Variants in MORC1 observed in about 807,000 individuals in gnomAD.
MORC1 encodes MORC family CW-type zinc finger 1, also known as MORC family CW-type zinc finger protein 1.
A neutral mutation model predicts 134.9 loss-of-function variants in MORC1; 59 were observed. The observed-to-expected ratio is 0.44, with a 90% CI of 0.35 to 0.54. The LOEUF (loss-of-function observed/expected upper bound fraction) is 0.54, where lower values mean the gene tolerates loss of function less well. MORC1 is among the 20% of genes least tolerant of loss of function. The pLI is 0.00. For missense variants in MORC1, 947 were observed against 1,134.5 expected (o/e 0.83, Z 2.37); for synonymous variants, 395 against 391.7 (o/e 1.01, Z -0.10).
At chr3:109,034,743 TTTAA>T (rs34317672) in intron 15 of MORC1, among the ~76,000 whole-genome samples, 71,789 of 151,378 alleles carry the variant, frequency 0.47, 20,108 homozygotes, top group East Asian at 0.91. Context: ...AAAATTCTAT[TTTAA>T]TTAATTAATT....
chr3:108,991,291 T>A lies in MORC1; in HGVS notation c.2188-4342A>T, dbSNP rs564943501. Among the ~76,000 whole-genome samples, 3 of 152,278 alleles carry A rather than the reference T, an allele frequency of 2.0e-5. No homozygotes were observed. In the South Asian group the frequency reaches 6.2e-4, roughly 32 times the overall value. ...ATGATTTATAGGAGTACCGCTGTAG[T>A]CCAGGTAAGAGATGTCAGTGTGTTG... On this transcript the variant is annotated intron_variant, in intron 21 of 27. Coordinates refer to ENST00000232603, the MANE Select transcript of MORC1 (RefSeq NM_014429.4).
At chr3:108,978,998 T>A (rs1477764289) in intron 24 of MORC1, among the ~76,000 whole-genome samples, 1 of 152,144 alleles carries the variant, frequency 6.6e-6, no homozygotes, top group African/African-American at 2.4e-5. Flanking sequence ...CAGTCTCTAT[T>A]TGGAAAAACC....
intron 5 of MORC1, among the ~76,000 whole-genome samples, chr3:109,100,077 C>A (rs1307581702): frequency 6.6e-6 from 1 of 151,994 alleles, no homozygotes; most frequent in Non-Finnish European, 1.5e-5. Context: ...AACTCTGTCT[C>A]TACAAAAATA....
At chr3:109,053,646 G>A (rs569694792) in intron 14 of MORC1, among the ~76,000 whole-genome samples, 2 of 152,260 alleles carry the variant, frequency 1.3e-5, no homozygotes, top group East Asian at 1.9e-4. Context: ...AGGGAGACAA[G>A]GGCTGAAAAA....
rs558454696 is a variant in MORC1 at position 108,975,010 on chromosome 3, T to A, written c.2478-3608A>T. 5.9e-5 allele frequency among the ~76,000 whole-genome samples: 9 copies of A among 152,340 alleles called. No individual in the cohort carries two copies. The South Asian group carries it at 1.9e-3, about 32-fold the overall frequency. On this transcript the variant is annotated intron_variant, in intron 24 of 27. Coordinates refer to ENST00000232603, the MANE Select transcript of MORC1 (RefSeq NM_014429.4). The stretch of plus-strand genomic sequence containing the variant: ...AAGTTCCAGCTAAGGGCCATTTCCA[T>A]TTCACTCCATAGTCATATTCCTTTC...
At chr3:109,077,084 C>T (rs1410920065) in intron 8 of MORC1, among the ~76,000 whole-genome samples, 4 of 151,286 alleles carry the variant, frequency 2.6e-5, no homozygotes, top group African/African-American at 9.7e-5. Context: ...TGATCAACAA[C>T]ATGTATTCAA....
At chr3:109,040,847 AAAAG>A (rs1364440825) in intron 14 of MORC1, among the ~76,000 whole-genome samples, 3 of 149,124 alleles carry the variant, frequency 2.0e-5, no homozygotes, top group African/African-American at 2.4e-5. Context: ...AAAAAAAAAA[AAAAG>A]AAAGAAAGAA....
intron 12 of MORC1, among the ~76,000 whole-genome samples, chr3:109,058,213 A>G (rs933749686): frequency 2.6e-5 from 4 of 152,200 alleles, no homozygotes; most frequent in Admixed American, 2.0e-4. Flanking sequence ...TTCAAATACA[A>G]GCCTGTCTTT....
chr3:109,043,817 T>C (rs1446529811), intron 14 of MORC1, among the ~76,000 whole-genome samples: 2 of 152,190 alleles, frequency 1.3e-5, no homozygotes, highest in Non-Finnish European at 2.9e-5. Flanking sequence ...CATTAATATG[T>C]TGTCTGAAAT....
At chr3:109,022,984 T>C (rs1473140498) in intron 17 of MORC1, among the ~76,000 whole-genome samples, 1 of 152,062 alleles carries the variant, frequency 6.6e-6, no homozygotes, top group Non-Finnish European at 1.5e-5. Flanking sequence ...AAAAACCACA[T>C]GGGACAAAGG....
At chr3:109,006,197 G>A (rs1351490192) in intron 18 of MORC1, among the ~76,000 whole-genome samples, 1 of 152,138 alleles carries the variant, frequency 6.6e-6, no homozygotes, top group Non-Finnish European at 1.5e-5. Context: ...TAGGTTCTAA[G>A]TCTGGTTCTG....
intron 24 of MORC1, among the ~76,000 whole-genome samples, chr3:108,978,787 T>C (rs963083916): frequency 6.6e-6 from 1 of 152,146 alleles, no homozygotes; most frequent in Non-Finnish European, 1.5e-5. Flanking sequence ...ATGTTGTTTG[T>C]TTTCCCTGGC....
At chr3:109,033,368 T>C (rs1434162811) in intron 15 of MORC1, among the ~76,000 whole-genome samples, 2 of 151,860 alleles carry the variant, frequency 1.3e-5, no homozygotes, top group African/African-American at 4.8e-5. Context: ...TTGAACCATA[T>C]ACACATTTTC....
chr3:109,005,727 G>A lies in MORC1; in HGVS notation c.1768-412C>T, dbSNP rs756382518. On this transcript the variant is annotated intron_variant, in intron 18 of 27. Coordinates refer to ENST00000232603, the MANE Select transcript of MORC1 (RefSeq NM_014429.4). ...CCAATGAAAGATGTATTTGCTAAGA[G>A]ATCTAGAATACATGTGCCTGCTTGT... is the stretch of plus-strand genomic sequence containing the variant. Among the ~76,000 whole-genome samples, 5 of 152,296 alleles carry A rather than the reference G, an allele frequency of 3.3e-5. No individual in the cohort carries two copies. The South Asian group carries it at 1.0e-3, about 32-fold the overall frequency.
chr3:109,089,441 T>C (rs1950675614), intron 8 of MORC1, among the ~76,000 whole-genome samples: 1 of 152,072 alleles, frequency 6.6e-6, no homozygotes, highest in Admixed American at 6.6e-5. Context: ...GGGCAGTGAT[T>C]CATTTTAAAA....
Position 108,976,806 on chromosome 3 carries a change from C to T in MORC1, c.2477+2709G>A, listed in dbSNP as rs556484208. On this transcript the variant is annotated intron_variant, in intron 24 of 27. Coordinates refer to ENST00000232603, the MANE Select transcript of MORC1 (RefSeq NM_014429.4). ...CTAAGCAATAAAGAGTCTGCCTGTT[C>T]ATTAGAGTTTCTGGGAAATTTTAAT... Among the ~76,000 whole-genome samples, 4 of 152,228 alleles carry T rather than the reference C, an allele frequency of 2.6e-5. No homozygotes were observed. In the East Asian group the frequency reaches 7.7e-4, roughly 29 times the overall value.
At chr3:109,040,495 AAAG>A (rs1229506656) in intron 14 of MORC1, among the ~76,000 whole-genome samples, 3 of 125,254 alleles carry the variant, frequency 2.4e-5, no homozygotes, top group Admixed American at 8.9e-5. Context: ...AAAGGAAAGA[AAAG>A]AAAGGAAGGA....
In MORC1 at chr3:108,963,420, G is replaced by A. The variant is rs752036545; in HGVS notation, c.2793C>T (p.Leu931=). ...RIKLALLLQK[L]QLGGPEGDLE... ...ATACAACTTTTTCACTCACCAGTTG[G>A]AGTTTCTGCAACAATAGTGCCAGTT... The change falls in exon 27 of 28, where the codon CTC becomes CTT. Residue 931 remains leucine, a synonymous_variant. Transcript: ENST00000232603. The A allele has an allele frequency of 1.2e-6, 2 of 1,609,558 alleles. No individual in the cohort carries two copies. The highest frequency in any genetic ancestry group is 4.5e-5 in the East Asian group (2 of 44,816).
chr3:109,112,822 A>C (rs1951198278), intron 2 of MORC1, among the ~76,000 whole-genome samples: 1 of 152,212 alleles, frequency 6.6e-6, no homozygotes, highest in Non-Finnish European at 1.5e-5. Context: ...AACACACATA[A>C]GACAGGCTGG....
Sources: allele counts gnomAD v4.1 joint callset (sites outside exome capture counted in the v4.1 genomes callset), GRCh38; gene constraint gnomAD v4.1.1; transcripts MANE v1.5; gene names NCBI Gene and HGNC (gene_info 2026-07-23, HGNC 2026-07-21).